The following JAZF1 variants were observed in gnomAD, a reference collection of about 807,000 sequenced individuals.
JAZF1 encodes the protein juxtaposed with another zinc finger protein 1.
JAZF1 carries 8 observed loss-of-function variants against 26.4 expected under a neutral mutation model. The observed-to-expected ratio is 0.30, with a 90% CI of 0.18 to 0.55. JAZF1 has a LOEUF of 0.55. Among genes scored for constraint, JAZF1 ranks in the 20% least tolerant of loss-of-function variants. JAZF1 has a pLI of 0.94. For missense variants in JAZF1, 199 were observed against 322.0 expected (o/e 0.62, Z 2.92); for synonymous variants, 126 against 122.3 (o/e 1.03, Z -0.20).
chr7:27,996,672 G>A (rs1193782212), intron 1 of JAZF1, among the ~76,000 whole-genome samples: 1 of 152,192 alleles, frequency 6.6e-6, no homozygotes, highest in African/African-American at 2.4e-5. Flanking sequence ...GGAGTTTGCT[G>A]CATCCTCCTC....
intron 2 of JAZF1, among the ~76,000 whole-genome samples, chr7:27,899,627 GTCTC>G (rs766851284): frequency 7.9e-5 from 12 of 152,048 alleles, no homozygotes; most frequent in South Asian, 2.1e-4. Context: ...TAGAGATGGG[GTCTC>G]TCTATGTTGC....
chr7:28,081,846 T>C (rs1784142148), intron 1 of JAZF1, among the ~76,000 whole-genome samples: 1 of 152,224 alleles, frequency 6.6e-6, no homozygotes, highest in Non-Finnish European at 1.5e-5. Flanking sequence ...TTATGCCATT[T>C]TCATTACCAC....
intron 3 of JAZF1, chr7:27,842,235 C>T (rs537238301): frequency 1.3e-5 from 2 of 152,230 alleles, no homozygotes; most frequent in African/African-American, 4.8e-5. Flanking sequence ...TCATTTAATC[C>T]TCCAGTAACC....
At chr7:27,969,309 G>A (rs1175185543) in intron 2 of JAZF1, among the ~76,000 whole-genome samples, 1 of 152,154 alleles carries the variant, frequency 6.6e-6, no homozygotes, top group Non-Finnish European at 1.5e-5. Context: ...CTCATTAGGG[G>A]AGAGAGGACG....
At chr7:28,002,840 A>T (rs1209551956) in intron 1 of JAZF1, among the ~76,000 whole-genome samples, 5 of 152,044 alleles carry the variant, frequency 3.3e-5, no homozygotes, top group African/African-American at 1.2e-4. Flanking sequence ...CATGTGACTA[A>T]GTCTTGGCCA....
chr7:27,887,808 T>C (rs189650652), intron 3 of JAZF1, among the ~76,000 whole-genome samples: 2 of 152,300 alleles, frequency 1.3e-5, no homozygotes, highest in Admixed American at 1.3e-4. Flanking sequence ...TAAAATCCTA[T>C]TTCCTTGTTG....
chr7:27,870,974 T>G (rs754906091), intron 3 of JAZF1, among the ~76,000 whole-genome samples: 1 of 152,222 alleles, frequency 6.6e-6, no homozygotes, highest in African/African-American at 2.4e-5. Flanking sequence ...TGATTTTGAC[T>G]GGGTTCATGT....
chr7:28,006,377 CA>C (rs1275211967), intron 1 of JAZF1, among the ~76,000 whole-genome samples: 1 of 151,742 alleles, frequency 6.6e-6, no homozygotes, highest in Non-Finnish European at 1.5e-5. Context: ...TCAAAAAAAA[CA>C]AAAAACAAAA....
intron 1 of JAZF1, among the ~76,000 whole-genome samples, chr7:28,017,767 G>GTTA (rs1782921496): frequency 6.6e-6 from 1 of 150,650 alleles, no homozygotes; most frequent in Non-Finnish European, 1.5e-5. Flanking sequence ...CTTTGTTTTT[G>GTTA]TTGTTGTTGT....
intron 1 of JAZF1, among the ~76,000 whole-genome samples, chr7:28,075,356 A>G (rs970136697): frequency 6.6e-6 from 1 of 152,192 alleles, no homozygotes; most frequent in Non-Finnish European, 1.5e-5. Flanking sequence ...TTTACTTACA[A>G]CAGGGCATTT....
chr7:27,949,064 G>T (rs144212854), intron 2 of JAZF1, among the ~76,000 whole-genome samples: 3 of 152,116 alleles, frequency 2.0e-5, no homozygotes, highest in African/African-American at 7.2e-5. Flanking sequence ...CACAACAGCT[G>T]CTCTCATCAG....
chr7:27,914,667 C>T, intron 2 of JAZF1: 1 of 464,166 alleles, frequency 2.2e-6, no homozygotes, highest in South Asian at 1.6e-5. Flanking sequence ...ATTTACCTTG[C>T]AATTGTTACT....
intron 1 of JAZF1, among the ~76,000 whole-genome samples, chr7:28,103,187 A>C (rs2127928579): frequency 2.6e-5 from 4 of 151,964 alleles, no homozygotes; most frequent in Admixed American, 2.6e-4. Context: ...TGGTTCCCGG[A>C]TCTCATCCAG....
intron 2 of JAZF1, among the ~76,000 whole-genome samples, chr7:27,925,991 G>C (rs542752241): frequency 6.6e-6 from 1 of 152,204 alleles, no homozygotes; most frequent in Non-Finnish European, 1.5e-5. Context: ...TGAATACTTG[G>C]AAGGAAGTGA....
chr7:28,160,478 C>T (rs1513272), intron 1 of JAZF1, among the ~76,000 whole-genome samples: 59,634 of 151,940 alleles, frequency 0.39, 12,975 homozygotes, highest in Non-Finnish European at 0.5. Context: ...GCCTGGCACA[C>T]GGTAGGCGAG....
intron 1 of JAZF1, among the ~76,000 whole-genome samples, chr7:28,058,315 C>A (rs1038252062): frequency 6.6e-6 from 1 of 152,136 alleles, no homozygotes; most frequent in African/African-American, 2.4e-5. Context: ...AGCAAAGAAC[C>A]TGGGGTGGCC....
chr7:27,992,258 T>C (rs1259712464), intron 1 of JAZF1: 1 of 524,172 alleles, frequency 1.9e-6, no homozygotes, highest in East Asian at 5.2e-5. Context: ...ATATTGGTTT[T>C]CACTGCTTAC....
intron 2 of JAZF1, among the ~76,000 whole-genome samples, chr7:27,902,737 C>G (rs777614546): frequency 2.0e-5 from 3 of 152,168 alleles, no homozygotes; most frequent in Non-Finnish European, 2.9e-5. Context: ...GATTAACATG[C>G]TGGGCACGGT....
intron 4 of JAZF1, among the ~76,000 whole-genome samples, chr7:27,835,954 C>T (rs1199291677): frequency 6.6e-6 from 1 of 152,170 alleles, no homozygotes; most frequent in African/African-American, 2.4e-5. Flanking sequence ...GCTTACCATA[C>T]TGGGTACTTG....
Sources: allele counts gnomAD v4.1 joint callset (sites outside exome capture counted in the v4.1 genomes callset), GRCh38; gene constraint gnomAD v4.1.1; transcripts MANE v1.5; gene names NCBI Gene and HGNC (gene_info 2026-07-23, HGNC 2026-07-21).